TBC1D14: variants seen among roughly 807,000 people sequenced by gnomAD.
TBC1D14 encodes TBC1 domain family, member 14.
A neutral mutation model predicts 79.0 loss-of-function variants in TBC1D14; 26 were observed. That is an observed-to-expected ratio of 0.33 (90% CI 0.24 to 0.46). The LOEUF (loss-of-function observed/expected upper bound fraction) is 0.46, where lower values mean the gene tolerates loss of function less well. Ranked by LOEUF, TBC1D14 falls within the 20% of genes least tolerant of loss-of-function variation. The pLI is 1.00. For synonymous variants in TBC1D14, 394 were observed against 349.9 expected, an observed-to-expected ratio of 1.13 and a Z score of -1.40; for missense variants, 769 against 887.6, an observed-to-expected ratio of 0.87 and a Z score of 1.70.
At chr4:7,030,266 C>T (rs1018283932) in intron 13 of TBC1D14, 61 bp from the exon 14 acceptor site, 1 of 1,550,854 alleles carries the variant, frequency 6.4e-7, no homozygotes, top group Non-Finnish European at 8.9e-7. Context: ...CTCTGCTTCG[C>T]TGCTGTCAGG....
At chr4:6,968,542 G>A (rs1715909188) in intron 3 of TBC1D14, among the ~76,000 whole-genome samples, 1 of 152,232 alleles carries the variant, frequency 6.6e-6, no homozygotes, top group African/African-American at 2.4e-5. Flanking sequence ...CACATTGCTA[G>A]TAAGTAGCAC....
intron 2 of TBC1D14, among the ~76,000 whole-genome samples, chr4:6,930,688 C>G (rs1045432119): frequency 2.0e-5 from 3 of 151,532 alleles, no homozygotes; most frequent in African/African-American, 7.3e-5. Flanking sequence ...ATCCTAGCTA[C>G]TTGGGAGGCT....
chr4:6,910,903 AC>A (rs1158380471), intron 1 of TBC1D14, among the ~76,000 whole-genome samples: 4 of 152,024 alleles, frequency 2.6e-5, no homozygotes, highest in African/African-American at 9.7e-5. Flanking sequence ...TGGTTATTTC[AC>A]GCACTGAGGC....
At chr4:6,924,932 A>C (rs1457091706) in intron 2 of TBC1D14, among the ~76,000 whole-genome samples, 2 of 152,016 alleles carry the variant, frequency 1.3e-5, no homozygotes, top group African/African-American at 4.8e-5. Flanking sequence ...CACACAAGCA[A>C]ATGTGAACTC....
intron 3 of TBC1D14, among the ~76,000 whole-genome samples, chr4:6,978,871 CAGT>C (rs10600201): frequency 0.27 from 41,435 of 151,734 alleles, 5,799 homozygotes; most frequent in Admixed American, 0.32. Context: ...GTTTTCAAAT[CAGT>C]AGACTGTTTT....
intron 3 of TBC1D14, among the ~76,000 whole-genome samples, chr4:6,979,727 A>G (rs906201289): frequency 5.3e-5 from 8 of 152,364 alleles, no homozygotes; most frequent in Admixed American, 4.6e-4. Flanking sequence ...AAGATATACC[A>G]TGAAAATACT....
At chr4:7,023,051 C>T (rs1560364031) in intron 12 of TBC1D14, among the ~76,000 whole-genome samples, 1 of 152,048 alleles carries the variant, frequency 6.6e-6, no homozygotes, top group South Asian at 2.1e-4. Flanking sequence ...GTCAGGAGTT[C>T]AAGACCAGCC....
chr4:7,030,242 G>C (rs1350951192), intron 13 of TBC1D14, 85 bp from the exon 14 acceptor site: 6 of 1,322,646 alleles, frequency 4.5e-6, no homozygotes, highest in Non-Finnish European at 6.5e-6. Flanking sequence ...ACCCTGTTAG[G>C]AGGCTACTGC....
At chr4:6,947,954 T>TG (rs2108994365) in intron 2 of TBC1D14, among the ~76,000 whole-genome samples, 1 of 152,246 alleles carries the variant, frequency 6.6e-6, no homozygotes, top group South Asian at 2.1e-4. Context: ...GCCCTACAAA[T>TG]GCAGGGGGAG....
chr4:7,001,434 C>G, intron 7 of TBC1D14, 183 bp downstream of exon 7: 1 of 576,114 alleles, frequency 1.7e-6, no homozygotes, highest in African/African-American at 1.9e-5. Flanking sequence ...CTGTGCACTC[C>G]GGTTACCTGA....
chr4:6,963,825 T>A (rs954567535), intron 2 of TBC1D14, among the ~76,000 whole-genome samples: 1 of 152,224 alleles, frequency 6.6e-6, no homozygotes, highest in African/African-American at 2.4e-5. Context: ...AGACTGAGTC[T>A]CACTGTGTCA....
chr4:6,994,877 A>G (rs1034905590), intron 4 of TBC1D14, among the ~76,000 whole-genome samples: 1 of 152,162 alleles, frequency 6.6e-6, no homozygotes, highest in African/African-American at 2.4e-5. Flanking sequence ...AAAAAAAAAA[A>G]AAAAGAAGCA....
chr4:6,949,175 A>G (rs964846973), intron 2 of TBC1D14, among the ~76,000 whole-genome samples: 5 of 151,598 alleles, frequency 3.3e-5, no homozygotes, highest in African/African-American at 4.8e-5. Flanking sequence ...ATCTGTCTCA[A>G]AAAAAAAGGC....
chr4:6,939,919 G>A (rs757536303), intron 2 of TBC1D14, among the ~76,000 whole-genome samples: 25 of 152,222 alleles, frequency 1.6e-4, no homozygotes, highest in Non-Finnish European at 3.4e-4. Flanking sequence ...CCCTGAGGCC[G>A]GCGGGGACTG....
At chr4:7,026,687 A>G (rs542772103) in intron 13 of TBC1D14, among the ~76,000 whole-genome samples, 134 of 152,296 alleles carry the variant, frequency 8.8e-4, no homozygotes, top group African/African-American at 3.1e-3. Flanking sequence ...ACTAGAGCCT[A>G]GGAGTTTGAG....
At chr4:7,008,986 T>C (rs971122086) in intron 9 of TBC1D14, among the ~76,000 whole-genome samples, 1 of 152,214 alleles carries the variant, frequency 6.6e-6, no homozygotes, top group African/African-American at 2.4e-5. Context: ...CATTGCTATT[T>C]TTCCTTTTGT....
rs147515697 is a variant in TBC1D14 at position 7,001,106 on chromosome 4, G to A, written c.1164-39G>A. On this transcript the variant is annotated intron_variant, in intron 6 of 13. Transcript: ENST00000409757. ...CACGCAGGTAGACAAATGTCTTTGTGTGGAACAAACTCAAACTCCTGCTTC... is the reference window on the plus strand; with the variant it reads ...CACGCAGGTAGACAAATGTCTTTGTATGGAACAAACTCAAACTCCTGCTTC... 5.1e-6 allele frequency: 8 copies of A among 1,582,992 alleles called. No individual in the cohort carries two copies. The African/African-American group carries it at 1.1e-4, about 21-fold the overall frequency.
intron 2 of TBC1D14, among the ~76,000 whole-genome samples, chr4:6,943,852 C>G (rs1713158420): frequency 6.7e-6 from 1 of 149,696 alleles, no homozygotes; most frequent in African/African-American, 2.5e-5. Flanking sequence ...ATAAAGGGAT[C>G]TGGCACACTT....
At chr4:6,976,907 T>G (rs1292243461) in intron 3 of TBC1D14, among the ~76,000 whole-genome samples, 1 of 151,906 alleles carries the variant, frequency 6.6e-6, no homozygotes, top group Non-Finnish European at 1.5e-5. Context: ...ACCATAAATA[T>G]AAAGACATTC....
Sources: gnomAD v4.1 joint callset for allele counts (sites outside exome capture counted in the v4.1 genomes callset) on GRCh38, gnomAD v4.1.1 for gene constraint, MANE v1.5 for transcripts, NCBI Gene and HGNC (gene_info 2026-07-23, HGNC 2026-07-21) for gene names.